The following FBLN7 variants were observed in gnomAD, a reference collection of about 807,000 sequenced individuals.
FBLN7 encodes fibulin 7.
FBLN7 carries 31 observed loss-of-function variants against 44.0 expected under a neutral mutation model. That is an observed-to-expected ratio of 0.70 (90% CI 0.53 to 0.95). The LOEUF is 0.95. Among genes scored for constraint, FBLN7 ranks in the 40% least tolerant of loss-of-function variants. The pLI is 0.00. For synonymous variants in FBLN7, 262 were observed against 253.4 expected (o/e 1.03, Z -0.32); for missense variants, 573 against 618.5 (o/e 0.93, Z 0.78).
chr2:112,197,292 GAGAGAGAGAGAGAGAC>G, the FBLN7 span, among the ~76,000 whole-genome samples: 1 of 150,410 alleles, frequency 6.6e-6, no homozygotes, highest in Admixed American at 6.6e-5. Context: ...GAGAGAGAGA[GAGAGAGAGAGAGAGAC>G]AGAGAGAGAA....
chr2:112,150,445 A>G (rs1339117883), intron 1 of FBLN7, among the ~76,000 whole-genome samples: 2 of 152,244 alleles, frequency 1.3e-5, no homozygotes, highest in East Asian at 1.9e-4. Flanking sequence ...ACATGTTAGT[A>G]TCTCCTGAAC....
At chr2:112,159,520 T>C (rs1048691660) in intron 1 of FBLN7, among the ~76,000 whole-genome samples, 156 bp from the exon 2 acceptor site, 2 of 152,226 alleles carry the variant, frequency 1.3e-5, no homozygotes, top group Non-Finnish European at 2.9e-5. Context: ...ATGCATGTAC[T>C]TGGGGCTGTC....
At chr2:112,157,922 G>A (rs1160875374) in intron 1 of FBLN7, among the ~76,000 whole-genome samples, 4 of 140,314 alleles carry the variant, frequency 2.9e-5, no homozygotes, top group Non-Finnish European at 6.1e-5. Flanking sequence ...TTTTTGAGAC[G>A]GAGTCTCGCT....
At chr2:112,167,869 C>CGTTATGTTATGTTATGTTATGTTAT (rs137969881) in intron 3 of FBLN7, among the ~76,000 whole-genome samples, 7,163 of 132,676 alleles carry the variant, frequency 0.054, 301 homozygotes, top group East Asian at 0.079. Context: ...AGGAAAGACA[C>CGTTATGTTATGTTATGTTATGTTAT]GTTATGTTAT....
chr2:112,188,234 T>G (rs1389740526), downstream of FBLN7: 1 of 152,244 alleles, frequency 6.6e-6, no homozygotes, highest in Admixed American at 6.5e-5. Context: ...GACTTCTACC[T>G]GAGCATGAGA....
At chr2:112,234,366 A>C in the FBLN7 span, 2 of 645,072 alleles carry the variant, frequency 3.1e-6, no homozygotes, top group South Asian at 4.3e-5. Context: ...CTTCATATGT[A>C]AAATTTGGAT....
At chr2:112,167,076 C>T (rs879386547) in intron 3 of FBLN7, among the ~76,000 whole-genome samples, 2 of 152,238 alleles carry the variant, frequency 1.3e-5, no homozygotes, top group Non-Finnish European at 2.9e-5. Flanking sequence ...CTGCACCTGC[C>T]CACGCACCCC....
At chr2:112,206,172 A>G in the FBLN7 span, among the ~76,000 whole-genome samples, 350 of 152,252 alleles carry the variant, frequency 2.3e-3, no homozygotes, top group Non-Finnish European at 4.1e-3. Context: ...AGCTGTTTGT[A>G]GTATTCTCTT....
the FBLN7 span, chr2:112,236,738 A>G: frequency 6.5e-7 from 1 of 1,528,850 alleles, no homozygotes; most frequent in South Asian, 1.2e-5. Flanking sequence ...TAAAGTTACA[A>G]TAGCAGTTTA....
At chr2:112,184,981 C>A (rs1479195605) in intron 6 of FBLN7, among the ~76,000 whole-genome samples, 1 of 151,734 alleles carries the variant, frequency 6.6e-6, no homozygotes, top group African/African-American at 2.4e-5. Context: ...CCTGTCATAC[C>A]CCAGGGAAAG....
chr2:112,146,214 G>C (rs1301619092), intron 1 of FBLN7, among the ~76,000 whole-genome samples: 1 of 152,200 alleles, frequency 6.6e-6, no homozygotes, highest in African/African-American at 2.4e-5. Flanking sequence ...CAGCTACTCA[G>C]GAGGCTGAGG....
the FBLN7 span, among the ~76,000 whole-genome samples, chr2:112,235,848 G>GT: frequency 1.3e-5 from 2 of 149,976 alleles, no homozygotes; most frequent in African/African-American, 2.5e-5. Flanking sequence ...TAAAAAATTT[G>GT]TAAGACTCAG....
At chr2:112,152,117 A>C (rs1681187486) in intron 1 of FBLN7, 1 of 152,238 alleles carries the variant, frequency 6.6e-6, no homozygotes, top group Non-Finnish European at 1.5e-5. Flanking sequence ...AGGACTCACG[A>C]AGGTTCTCTG....
intron 1 of FBLN7, among the ~76,000 whole-genome samples, chr2:112,143,167 GGGAA>G (rs1475327583): frequency 6.6e-6 from 1 of 152,162 alleles, no homozygotes; most frequent in African/African-American, 2.4e-5. Context: ...GGTGGTCATG[GGGAA>G]GGAAGGGAGG....
intron 3 of FBLN7, among the ~76,000 whole-genome samples, chr2:112,167,893 A>ATGTTATGTTATGTTATGTTC: frequency 6.6e-6 from 1 of 151,566 alleles, no homozygotes; most frequent in Admixed American, 6.6e-5. Flanking sequence ...ATGTTATGTT[A>ATGTTATGTTATGTTATGTTC]TGTTATGTTA....
chr2:112,244,503 A>G, the FBLN7 span, among the ~76,000 whole-genome samples: 1 of 152,226 alleles, frequency 6.6e-6, no homozygotes, highest in African/African-American at 2.4e-5. Context: ...GATATCTACA[A>G]AGAAAGTTAT....
chr2:112,185,780 G>A (rs1179157411), intron 7 of FBLN7, among the ~76,000 whole-genome samples: 4 of 151,804 alleles, frequency 2.6e-5, no homozygotes, highest in East Asian at 1.9e-4. Context: ...TGCATATCCC[G>A]TGCACCCTGC....
At chr2:112,239,540 T>C in the FBLN7 span, among the ~76,000 whole-genome samples, 3 of 151,016 alleles carry the variant, frequency 2.0e-5, no homozygotes, top group African/African-American at 4.9e-5. Flanking sequence ...GAAGAATCGC[T>C]ATTATAAAAT....
chr2:112,236,453 G>T, the FBLN7 span: 1 of 1,425,656 alleles, frequency 7.0e-7, no homozygotes, highest in Non-Finnish European at 9.4e-7. Context: ...CGATTCTGTG[G>T]GATGCTTCCA....
Sources: allele counts gnomAD v4.1 joint callset (sites outside exome capture counted in the v4.1 genomes callset), GRCh38; gene constraint gnomAD v4.1.1; transcripts MANE v1.5; gene names NCBI Gene and HGNC (gene_info 2026-07-23, HGNC 2026-07-21).